LARGE1: variants seen among roughly 807,000 people sequenced by gnomAD.
LARGE1 encodes the protein xylosyl- and glucuronyltransferase LARGE1.
LARGE1 carries 43 observed loss-of-function variants against 87.6 expected under a neutral mutation model. That is an observed-to-expected ratio of 0.49 (90% CI 0.38 to 0.63). LARGE1 has a LOEUF of 0.63. LARGE1 is among the 30% of genes least tolerant of loss of function. The probability of loss-of-function intolerance (pLI) is 0.00; values close to 1 mark genes in which losing one functional copy is unlikely to be tolerated. For missense variants in LARGE1, 802 were observed against 1,000.2 expected, an observed-to-expected ratio of 0.80 and a Z score of 2.67; for synonymous variants, 434 against 394.6, an observed-to-expected ratio of 1.10 and a Z score of -1.18.
At chr22:33,826,264 G>C (rs1216626177) in intron 1 of LARGE1, among the ~76,000 whole-genome samples, 1 of 151,672 alleles carries the variant, frequency 6.6e-6, no homozygotes, top group South Asian at 2.1e-4. Flanking sequence ...AGCATTCCTT[G>C]ACCTGTGGCT....
chr22:33,895,537 C>A (rs2065118833), intron 1 of LARGE1, among the ~76,000 whole-genome samples: 1 of 152,166 alleles, frequency 6.6e-6, no homozygotes, highest in African/African-American at 2.4e-5. Context: ...GGGGCCGAAT[C>A]CACCTGCAAG....
chr22:33,087,235 A>T, the LARGE1 span, among the ~76,000 whole-genome samples: 1 of 151,832 alleles, frequency 6.6e-6, no homozygotes, highest in African/African-American at 2.4e-5. Flanking sequence ...AGTAGAAAAA[A>T]TTTGTCCATA....
intron 7 of LARGE1, among the ~76,000 whole-genome samples, chr22:33,385,026 C>T (rs2065276556): frequency 6.7e-6 from 1 of 148,730 alleles, no homozygotes; most frequent in African/African-American, 2.4e-5. Context: ...CTGTCTCAGT[C>T]TTCCTGATTT....
the LARGE1 span, among the ~76,000 whole-genome samples, chr22:33,148,666 C>A: frequency 1.5e-4 from 23 of 152,056 alleles, no homozygotes; most frequent in African/African-American, 5.3e-4. Context: ...AGCTTTTTTT[C>A]AAAATTGGCT....
chr22:33,753,271 G>A (rs2084390108), intron 2 of LARGE1, among the ~76,000 whole-genome samples: 1 of 152,064 alleles, frequency 6.6e-6, no homozygotes, highest in South Asian at 2.1e-4. Context: ...GGGTAGGAGA[G>A]TCACAGTCAG....
chr22:33,247,663 G>A (rs765406193), intron 11 of LARGE1, among the ~76,000 whole-genome samples: 24 of 152,068 alleles, frequency 1.6e-4, no homozygotes, highest in Admixed American at 2.0e-4. Context: ...TTCTTTTTGC[G>A]TCAATGTTTC....
intron 1 of LARGE1, among the ~76,000 whole-genome samples, chr22:33,838,950 T>C (rs1473002865): frequency 1.3e-5 from 2 of 152,204 alleles, no homozygotes. Context: ...GAAGTGAATG[T>C]AGAATTTCTG....
intron 1 of LARGE1, among the ~76,000 whole-genome samples, chr22:33,909,964 G>T (rs932127289): frequency 2.0e-5 from 3 of 152,092 alleles, no homozygotes; most frequent in Non-Finnish European, 2.9e-5. Flanking sequence ...GATTTTAACT[G>T]TCTTGTATCC....
chr22:33,647,063 TAGA>T (rs1321663704), intron 3 of LARGE1, among the ~76,000 whole-genome samples: 1 of 152,238 alleles, frequency 6.6e-6, no homozygotes, highest in Admixed American at 6.5e-5. Context: ...TCTCCTATCT[TAGA>T]ATCATCTGGA....
chr22:33,645,071 T>C (rs950250139), intron 3 of LARGE1, among the ~76,000 whole-genome samples: 7 of 152,314 alleles, frequency 4.6e-5, no homozygotes, highest in Admixed American at 6.5e-5. Context: ...AAATTTCATA[T>C]GGAACCAAAA....
chr22:33,793,176 G>C (rs1019520131), intron 1 of LARGE1, among the ~76,000 whole-genome samples: 4 of 152,144 alleles, frequency 2.6e-5, no homozygotes, highest in Non-Finnish European at 5.9e-5. Flanking sequence ...ATCCAAAGAA[G>C]AGCTGAAAAA....
upstream of LARGE1, among the ~76,000 whole-genome samples, chr22:33,921,235 G>A (rs1191255022): frequency 6.6e-6 from 1 of 152,144 alleles, no homozygotes; most frequent in Non-Finnish European, 1.5e-5. The surrounding 1 kb of genome is among the most constrained non-coding windows in gnomAD (Gnocchi z 4.1). Flanking sequence ...CTGGCTGGCA[G>A]GCAGGCGGAA....
intron 2 of LARGE1, among the ~76,000 whole-genome samples, chr22:33,736,100 AT>A (rs2083647079): frequency 6.6e-6 from 1 of 152,130 alleles, no homozygotes; most frequent in South Asian, 2.1e-4. Flanking sequence ...GTCTTGAAAA[AT>A]TTTGTACATG....
chr22:33,582,719 G>T (rs1470755940), intron 5 of LARGE1, among the ~76,000 whole-genome samples: 2 of 152,196 alleles, frequency 1.3e-5, no homozygotes, highest in Non-Finnish European at 1.5e-5. Context: ...AGCTCCAGGT[G>T]CTGGACAGCT....
At chr22:33,753,340 C>A (rs2084392363) in intron 2 of LARGE1, among the ~76,000 whole-genome samples, 1 of 152,056 alleles carries the variant, frequency 6.6e-6, no homozygotes, top group Non-Finnish European at 1.5e-5. Flanking sequence ...TTTGAAGATG[C>A]CACACTGCTG....
chr22:33,076,676 T>G, the LARGE1 span, among the ~76,000 whole-genome samples: 1 of 152,072 alleles, frequency 6.6e-6, no homozygotes, highest in South Asian at 2.1e-4. Flanking sequence ...GAGTTAGACT[T>G]CATAAAAGCC....
chr22:33,378,234 T>C (rs1244754775), intron 9 of LARGE1, among the ~76,000 whole-genome samples: 1 of 152,208 alleles, frequency 6.6e-6, no homozygotes, highest in Non-Finnish European at 1.5e-5. Flanking sequence ...TTTCTTTCCA[T>C]TTTTGCTCCC....
At chr22:33,784,966 T>C (rs1004864416) in intron 1 of LARGE1, among the ~76,000 whole-genome samples, 5 of 151,270 alleles carry the variant, frequency 3.3e-5, no homozygotes, top group African/African-American at 1.2e-4. Flanking sequence ...CATGGGTATA[T>C]ACATGTGTAT....
At chr22:33,422,572 T>G (rs370732604) in intron 7 of LARGE1, among the ~76,000 whole-genome samples, 12 of 151,482 alleles carry the variant, frequency 7.9e-5, no homozygotes, top group African/African-American at 2.7e-4. Context: ...TACAATGGCA[T>G]GATCTCCGCT....
Sources: gnomAD v4.1 joint callset for allele counts (sites outside exome capture counted in the v4.1 genomes callset) on GRCh38, gnomAD v4.1.1 for gene constraint, Gnocchi (gnomAD v3.1) non-coding constraint, MANE v1.5 for transcripts, NCBI Gene and HGNC (gene_info 2026-07-23, HGNC 2026-07-21) for gene names.